Variants in SPECC1 observed in about 807,000 individuals in gnomAD.
The protein encoded by SPECC1 is cytospin-B.
A neutral mutation model predicts 104.1 loss-of-function variants in SPECC1; 62 were observed. That is an observed-to-expected ratio of 0.60 (90% confidence interval 0.49 to 0.74). The LOEUF (loss-of-function observed/expected upper bound fraction) is 0.74, where lower values mean the gene tolerates loss of function less well. SPECC1 is among the 30% of genes least tolerant of loss of function. The pLI is 0.00. For missense variants in SPECC1, 1,306 were observed against 1,310.5 expected, an observed-to-expected ratio of 1.00 and a Z score of 0.05; for synonymous variants, 513 against 501.6, an observed-to-expected ratio of 1.02 and a Z score of -0.30.
rs564187720 is a variant in SPECC1 at position 20,011,952 on chromosome 17, A to G, written c.-22+2528A>G. 3.3e-5 allele frequency among the ~76,000 whole-genome samples: 5 copies of G among 152,240 alleles called. No homozygotes were observed. In the East Asian group the frequency reaches 9.6e-4, roughly 29 times the overall value. On this transcript the variant is annotated intron_variant, in intron 1 of 14. Coordinates refer to ENST00000395527, the MANE Select transcript of SPECC1 (RefSeq NM_001243439.2). ...TTTGGAACATTTTTCTTCTCCCTCA[A>G]GTACATTCTTTAGAAATTACTTCAG...
At chr17:20,291,704 C>T (rs184868015) in intron 12 of SPECC1, among the ~76,000 whole-genome samples, 1 of 152,134 alleles carries the variant, frequency 6.6e-6, no homozygotes, top group African/African-American at 2.4e-5. Flanking sequence ...GCCACCACAC[C>T]CAGCTAATTT....
chr17:20,028,127 T>G (rs973799611), intron 1 of SPECC1, among the ~76,000 whole-genome samples: 3 of 152,228 alleles, frequency 2.0e-5, no homozygotes, highest in Non-Finnish European at 4.4e-5. Context: ...TTCATTTTTT[T>G]TTTCATGTGA....
At chr17:20,150,131 C>T (rs1225332168) in intron 3 of SPECC1, among the ~76,000 whole-genome samples, 1 of 151,702 alleles carries the variant, frequency 6.6e-6, no homozygotes, top group Non-Finnish European at 1.5e-5. Flanking sequence ...CGCCACCACG[C>T]CCGGCTAATT....
At chr17:20,249,559 C>A (rs1461096107) in intron 9 of SPECC1, among the ~76,000 whole-genome samples, 1 of 151,990 alleles carries the variant, frequency 6.6e-6, no homozygotes, top group Non-Finnish European at 1.5e-5. Context: ...CCTAAAACAA[C>A]TGAGATTAAT....
chr17:20,050,092 C>T (rs1241654876), intron 1 of SPECC1, among the ~76,000 whole-genome samples: 4 of 152,338 alleles, frequency 2.6e-5, no homozygotes, highest in Non-Finnish European at 4.4e-5. Flanking sequence ...GCTGGGATTA[C>T]AGGTGTGAGC....
At chr17:20,039,721 A>AT (rs1279305260) in intron 1 of SPECC1, among the ~76,000 whole-genome samples, 1 of 151,602 alleles carries the variant, frequency 6.6e-6, no homozygotes, top group African/African-American at 2.4e-5. Flanking sequence ...TGCCTGGCTA[A>AT]TTTTTTTGTA....
intron 3 of SPECC1, among the ~76,000 whole-genome samples, chr17:20,192,953 A>G (rs1019225045): frequency 5.9e-5 from 9 of 152,224 alleles, no homozygotes; most frequent in East Asian, 1.9e-4. Flanking sequence ...GCAAGTCCAC[A>G]GTGCAAAGTG....
intron 3 of SPECC1, among the ~76,000 whole-genome samples, chr17:20,133,965 G>T (rs1226779718): frequency 2.6e-5 from 4 of 151,760 alleles, no homozygotes; most frequent in Non-Finnish European, 5.9e-5. Flanking sequence ...GGGCCCAGAT[G>T]GTGTTATTCA....
chr17:20,170,388 G>A (rs1423065451), intron 3 of SPECC1, among the ~76,000 whole-genome samples: 2 of 152,184 alleles, frequency 1.3e-5, no homozygotes, highest in East Asian at 1.9e-4. Flanking sequence ...AACGAATGTG[G>A]TTGGCCAAAT....
At chr17:20,197,387 A>G (rs1357574887) in intron 3 of SPECC1, among the ~76,000 whole-genome samples, 2 of 152,208 alleles carry the variant, frequency 1.3e-5, no homozygotes, top group African/African-American at 2.4e-5. Context: ...ATGGAGGAGA[A>G]GAGAATAGAC....
intron 1 of SPECC1, among the ~76,000 whole-genome samples, chr17:20,085,967 T>C (rs2047161837): frequency 6.6e-6 from 1 of 152,228 alleles, no homozygotes; most frequent in African/African-American, 2.4e-5. Flanking sequence ...CAAAGTTCTG[T>C]GTTCCCCTCT....
intron 12 of SPECC1, among the ~76,000 whole-genome samples, chr17:20,273,007 C>G (rs190185904): frequency 3.4e-4 from 52 of 152,282 alleles, no homozygotes; most frequent in Admixed American, 3.0e-3. Context: ...AAGCTGACCC[C>G]CTCCCTGGCC....
intron 4 of SPECC1, among the ~76,000 whole-genome samples, chr17:20,226,599 T>C (rs1218434533): frequency 6.6e-6 from 1 of 152,216 alleles, no homozygotes; most frequent in East Asian, 1.9e-4. Context: ...ATTTTGCAAA[T>C]GTGACAACAT....
At chr17:20,287,242 C>G (rs1450724404) in intron 12 of SPECC1, among the ~76,000 whole-genome samples, 1 of 151,996 alleles carries the variant, frequency 6.6e-6, no homozygotes, top group African/African-American at 2.4e-5. Context: ...AAGGTGAAAC[C>G]CCGTCTCTAC....
chr17:20,221,540 G>A (rs2037874903), intron 4 of SPECC1, among the ~76,000 whole-genome samples: 1 of 151,720 alleles, frequency 6.6e-6, no homozygotes, highest in Non-Finnish European at 1.5e-5. Context: ...ATTTAATTGG[G>A]TCTTCTCTTT....
chr17:20,067,077 A>C (rs1489700943), intron 1 of SPECC1: 1 of 151,782 alleles, frequency 6.6e-6, no homozygotes, highest in Non-Finnish European at 1.5e-5. Context: ...AAATTACAAA[A>C]CTGTTACATG....
intron 14 of SPECC1, among the ~76,000 whole-genome samples, chr17:20,309,316 C>T (rs1461138226): frequency 1.3e-5 from 2 of 152,108 alleles, no homozygotes; most frequent in Non-Finnish European, 2.9e-5. Context: ...TTAGATTATG[C>T]CAGGAAAATT....
At chr17:20,156,273 A>G in intron 3 of SPECC1, 2 of 1,285,224 alleles carry the variant, frequency 1.6e-6, no homozygotes, top group Non-Finnish European at 2.0e-6. Context: ...CGCAGCCGCA[A>G]CCCCACCCCC....
chr17:20,073,704 A>G (rs992981243), intron 1 of SPECC1: 12 of 152,160 alleles, frequency 7.9e-5, no homozygotes, highest in Non-Finnish European at 1.8e-4. Flanking sequence ...TTTTTGCAGT[A>G]AGTACATCGT....
Sources: gnomAD v4.1 joint callset for allele counts (sites outside exome capture counted in the v4.1 genomes callset) on GRCh38, gnomAD v4.1.1 for gene constraint, MANE v1.5 for transcripts, NCBI Gene and HGNC (gene_info 2026-07-23, HGNC 2026-07-21) for gene names.